The following GYPC variants were observed in gnomAD, a reference collection of about 807,000 sequenced individuals.
The protein encoded by GYPC is glycophorin C (Gerbich blood group).
A neutral mutation model predicts 12.6 loss-of-function variants in GYPC; 14 were observed. The ratio of observed to expected loss-of-function variants is 1.11; its 90% CI spans 0.74 to 1.74. The LOEUF is 1.74. Among genes scored for constraint, GYPC ranks in the 40% most tolerant of loss-of-function variants. GYPC has a pLI of 0.00. For synonymous variants in GYPC, 78 were observed against 62.1 expected (o/e 1.26, Z -1.20); for missense variants, 225 against 172.1 (o/e 1.31, Z -1.72).
chr2:126,670,993 C>A (rs142904919), intron 1 of GYPC, among the ~76,000 whole-genome samples: 1 of 152,202 alleles, frequency 6.6e-6, no homozygotes, highest in South Asian at 2.1e-4. Flanking sequence ...ACAGGAGACT[C>A]TCTGATGGCA....
At chr2:126,661,892 A>G (rs1682545563) in intron 1 of GYPC, among the ~76,000 whole-genome samples, 1 of 152,236 alleles carries the variant, frequency 6.6e-6, no homozygotes, top group East Asian at 1.9e-4. Flanking sequence ...AGCCCTGGGC[A>G]GGGTGGCCTT....
chr2:126,689,854 G>A (rs1196640175), intron 1 of GYPC, among the ~76,000 whole-genome samples: 2 of 152,072 alleles, frequency 1.3e-5, no homozygotes, highest in East Asian at 1.9e-4. Flanking sequence ...AACTCAAATT[G>A]GACTGAGACA....
At chr2:126,695,839 T>C (rs1400885444) in intron 3 of GYPC, 107 bp from the exon 4 acceptor site, 1 of 834,626 alleles carries the variant, frequency 1.2e-6, no homozygotes, top group South Asian at 1.3e-5. Flanking sequence ...TCTCTTTTGG[T>C]TGTGGCATTG....
At chr2:126,673,931 C>T (rs908189219) in intron 1 of GYPC, among the ~76,000 whole-genome samples, 5 of 152,116 alleles carry the variant, frequency 3.3e-5, no homozygotes, top group East Asian at 1.9e-4. Flanking sequence ...GGACCCTATG[C>T]GACCTGAGGG....
intron 1 of GYPC, among the ~76,000 whole-genome samples, chr2:126,656,734 GAACTCCAGGC>G (rs958839155): frequency 6.6e-6 from 1 of 152,262 alleles, no homozygotes; most frequent in Non-Finnish European, 1.5e-5. Context: ...AGGCTCCGGT[GAACTCCAGGC>G]AACTCCAGCC....
chr2:126,665,266 A>G (rs574388021), intron 1 of GYPC, among the ~76,000 whole-genome samples: 24 of 152,236 alleles, frequency 1.6e-4, no homozygotes, highest in Middle Eastern at 3.4e-3. Context: ...AGAGAGAGAG[A>G]GAGACTAGTT....
At chr2:126,679,417 G>A (rs1683097101) in intron 1 of GYPC, among the ~76,000 whole-genome samples, 1 of 152,108 alleles carries the variant, frequency 6.6e-6, no homozygotes, top group African/African-American at 2.4e-5. Flanking sequence ...GAGAATCTTA[G>A]GAAGGTTATT....
intron 1 of GYPC, among the ~76,000 whole-genome samples, chr2:126,677,797 A>T (rs1446046506): frequency 6.6e-6 from 1 of 152,156 alleles, no homozygotes; most frequent in African/African-American, 2.4e-5. Flanking sequence ...ACCAAAACGC[A>T]TGCTCCCTAT....
intron 1 of GYPC, among the ~76,000 whole-genome samples, chr2:126,671,410 G>T (rs1438233237): frequency 1.3e-5 from 2 of 152,248 alleles, no homozygotes; most frequent in Non-Finnish European, 2.9e-5. Flanking sequence ...AGAAAACAGT[G>T]CTTTATCACA....
At chr2:126,669,801 C>CTTA (rs143767961) in intron 1 of GYPC, among the ~76,000 whole-genome samples, 3 of 151,928 alleles carry the variant, frequency 2.0e-5, no homozygotes, top group African/African-American at 7.2e-5. Context: ...ACTTCTGAGC[C>CTTA]TTATTATTAT....
chr2:126,677,456 AGT>A (rs1230521249), intron 1 of GYPC, among the ~76,000 whole-genome samples: 6 of 144,156 alleles, frequency 4.2e-5, no homozygotes, highest in Admixed American at 1.4e-4. Context: ...TGTGTATAAG[AGT>A]GTGACAGTGT....
intron 1 of GYPC, among the ~76,000 whole-genome samples, chr2:126,673,029 A>G (rs964032129): frequency 6.6e-6 from 1 of 152,054 alleles, no homozygotes; most frequent in East Asian, 1.9e-4. Context: ...GTCACACTCG[A>G]GGTCAGGATC....
chr2:126,671,756 C>T (rs1377102146), intron 1 of GYPC, among the ~76,000 whole-genome samples: 1 of 152,196 alleles, frequency 6.6e-6, no homozygotes, highest in African/African-American at 2.4e-5. Context: ...GCAGGAATCC[C>T]AAGAGGACCT....
chr2:126,666,441 C>T (rs532267211), intron 1 of GYPC, among the ~76,000 whole-genome samples: 10 of 152,264 alleles, frequency 6.6e-5, no homozygotes, highest in South Asian at 2.1e-4. Flanking sequence ...ACTCTTCATT[C>T]GAGACATACT....
At chr2:126,691,499 G>C (rs138736329) in intron 2 of GYPC, among the ~76,000 whole-genome samples, 3 of 152,100 alleles carry the variant, frequency 2.0e-5, no homozygotes, top group African/African-American at 7.2e-5. Flanking sequence ...GTCCTCAATC[G>C]CCAGGAGGGA....
intron 2 of GYPC, among the ~76,000 whole-genome samples, chr2:126,691,132 G>C (rs1387663811): frequency 5.9e-5 from 9 of 152,136 alleles, no homozygotes; most frequent in African/African-American, 2.2e-4. Flanking sequence ...TTCTATAAAG[G>C]TGGGACTTGG....
Position 126,691,414 on chromosome 2 carries a change from G to A in GYPC, c.106+1103G>A, listed in dbSNP as rs1455628168. Among the ~76,000 whole-genome samples the A allele has an allele frequency of 2.6e-5, 4 of 152,194 alleles. No homozygotes were observed. In the East Asian group the frequency reaches 7.7e-4, roughly 29 times the overall value. Reference sequence around the variant, plus strand: ...TGCCCCTCGCACAGCCAACACCTTGGCATTCTCTGCGTTACCCTCTCCCAC... The same window carrying A: ...TGCCCCTCGCACAGCCAACACCTTGACATTCTCTGCGTTACCCTCTCCCAC... On this transcript the variant is annotated intron_variant, in intron 2 of 3. Transcript: ENST00000259254.
At chr2:126,658,391 G>C (rs1432766199) in intron 1 of GYPC, 3 of 152,282 alleles carry the variant, frequency 2.0e-5, no homozygotes. Flanking sequence ...TGCGCTTGTG[G>C]TGGGAACAAG....
At position 126,695,979 on chromosome 2, in the gene GYPC, C is replaced by G; in HGVS notation, c.224C>G (p.Ser75Cys). The G allele has an allele frequency of 1.2e-6, 2 of 1,614,120 alleles. No individual in the cohort carries two copies. Among genetic ancestry groups the G allele is most frequent in the Non-Finnish European group, 1.7e-6 (2 of 1,179,990 alleles). The change falls in exon 4 of 4, where the codon TCC becomes TGC. Residue 75 changes from serine to cysteine, a missense_variant. By Grantham distance (112) the Ser-to-Cys change is moderately radical. Coordinates refer to ENST00000259254, the MANE Select transcript of GYPC (RefSeq NM_002101.5). The part of the protein sequence containing the change: ...VIAAVAIVLV[S>C]LLFVMLRYMY... ...GCTGCTGTGGCCATCGTCCTAGTCT[C>G]CCTCCTCTTCGTCATGCTGCGCTAC...
Sources: gnomAD v4.1 joint callset for allele counts (sites outside exome capture counted in the v4.1 genomes callset) on GRCh38, gnomAD v4.1.1 for gene constraint, MANE v1.5 for transcripts, NCBI Gene and HGNC (gene_info 2026-07-23, HGNC 2026-07-21) for gene names.